The following FRY variants were observed in gnomAD, a reference collection of about 807,000 sequenced individuals.
FRY encodes protein furry homolog.
A neutral mutation model predicts 348.4 loss-of-function variants in FRY; 128 were observed. That is an observed-to-expected ratio of 0.37 (90% CI 0.32 to 0.43). The LOEUF (loss-of-function observed/expected upper bound fraction) is 0.43, where lower values mean the gene tolerates loss of function less well. FRY is among the 20% of genes least tolerant of loss of function. The pLI, the probability that FRY is intolerant of heterozygous loss-of-function variation, is 1.00. For synonymous variants in FRY, 1,370 were observed against 1,374.7 expected (o/e 1.00, Z 0.08); for missense variants, 2,736 against 3,695.2 (o/e 0.74, Z 6.73).
intron 12 of FRY, 67 bp from the exon 13 acceptor site, chr13:32,147,772 A>AT: frequency 1.1e-6 from 1 of 888,542 alleles, no homozygotes; most frequent in Non-Finnish European, 1.9e-6. Context: ...AATATCTGCC[A>AT]TTTTCCCTTA....
intron 52 of FRY, 70 bp downstream of exon 52, chr13:32,261,886 T>C (rs1008161519): frequency 2.1e-6 from 3 of 1,414,392 alleles, no homozygotes; most frequent in Admixed American, 1.7e-5. Flanking sequence ...GAGGACAGTT[T>C]CCAGTTGCAG....
chr13:32,276,459 T>C lies in FRY; in HGVS notation c.8287-5T>C. The stretch of plus-strand genomic sequence containing the variant: ...TTTTAATACCAATTATTTTCCTGTC[T>C]TTAGCTCCTTTCATGTGGACTTCTG... On this transcript the variant is annotated splice_region_variant and splice_polypyrimidine_tract_variant and intron_variant, in intron 56 of 60. Transcript: ENST00000542859. 6.7e-7 allele frequency: 1 copy of C among 1,500,256 alleles called. No homozygotes were observed. The highest frequency in any genetic ancestry group is 9.3e-7 in the Non-Finnish European group (1 of 1,076,156). The allele number at this position is 1,500,256 out of a possible 1,614,324, so 92.9% of individuals were successfully genotyped here.
chr13:32,221,617 A>G (rs939047010), intron 36 of FRY, among the ~76,000 whole-genome samples: 2 of 152,182 alleles, frequency 1.3e-5, no homozygotes, highest in African/African-American at 4.8e-5. Flanking sequence ...GGTGCAAGCA[A>G]TTCTGCTGCG....
intron 1 of FRY, among the ~76,000 whole-genome samples, chr13:32,046,119 A>G (rs1009311757): frequency 1.3e-5 from 2 of 152,154 alleles, no homozygotes; most frequent in African/African-American, 4.8e-5. Context: ...TGTTTTAGGG[A>G]GTGACTAAGA....
At chr13:32,141,684 TCTATAC>T (rs1440436888) in intron 11 of FRY, among the ~76,000 whole-genome samples, 1 of 152,206 alleles carries the variant, frequency 6.6e-6, no homozygotes. Flanking sequence ...GTAACATTGG[TCTATAC>T]CACTGATTGC....
intron 51 of FRY, among the ~76,000 whole-genome samples, chr13:32,254,766 T>C (rs1164311938): frequency 6.6e-6 from 1 of 152,240 alleles, no homozygotes; most frequent in Non-Finnish European, 1.5e-5. Flanking sequence ...AAGCATTTAA[T>C]CATTTCTAAT....
intron 1 of FRY, among the ~76,000 whole-genome samples, chr13:32,074,614 A>C (rs796561297): frequency 6.6e-6 from 1 of 152,258 alleles, no homozygotes; most frequent in South Asian, 2.1e-4. Context: ...ACACTTGAAA[A>C]AGACTAAGAT....
intron 53 of FRY, among the ~76,000 whole-genome samples, chr13:32,263,993 C>T (rs1045576524): frequency 6.6e-6 from 1 of 151,846 alleles, no homozygotes; most frequent in Admixed American, 6.6e-5. Context: ...GGCGACAGAG[C>T]GAGACTCCAT....
chr13:32,167,462 C>T (rs1011413910), intron 17 of FRY, among the ~76,000 whole-genome samples: 3 of 152,180 alleles, frequency 2.0e-5, no homozygotes, highest in Non-Finnish European at 4.4e-5. Flanking sequence ...GCATTATCCA[C>T]GTGTGTTGTC....
intron 4 of FRY, among the ~76,000 whole-genome samples, chr13:32,123,568 A>G (rs991143729): frequency 2.6e-5 from 4 of 152,140 alleles, no homozygotes; most frequent in African/African-American, 4.8e-5. Flanking sequence ...GTTTCCTTAC[A>G]TTGTTTAGCT....
At chr13:32,079,133 GGT>G (rs1875307472) in intron 2 of FRY, 100 bp downstream of exon 2, 1 of 854,666 alleles carries the variant, frequency 1.2e-6, no homozygotes, top group African/African-American at 1.7e-5. Context: ...CTTTTCCTCT[GGT>G]TTGTAAAGGT....
At chr13:32,077,874 T>C (rs1007090527) in intron 1 of FRY, among the ~76,000 whole-genome samples, 29 of 152,340 alleles carry the variant, frequency 1.9e-4, no homozygotes, top group African/African-American at 5.5e-4. Flanking sequence ...TAAATACTTA[T>C]GTTTAACTAT....
chr13:32,067,488 G>C (rs1161688729), intron 1 of FRY, among the ~76,000 whole-genome samples: 2 of 152,282 alleles, frequency 1.3e-5, no homozygotes, highest in Admixed American at 1.3e-4. Context: ...GATACAACTG[G>C]AAAGGTCAGG....
intron 7 of FRY, among the ~76,000 whole-genome samples, chr13:32,126,297 T>A (rs1209768964): frequency 6.6e-6 from 1 of 152,220 alleles, no homozygotes; most frequent in Non-Finnish European, 1.5e-5. Context: ...TTTTCCTTAG[T>A]TTTTGTGAAT....
In FRY at chr13:32,294,472, G is replaced by A. The variant is rs1889531092; in HGVS notation, c.8685G>A (p.Glu2895=). 2.5e-6 allele frequency: 4 copies of A among 1,614,082 alleles called. No individual in the cohort carries two copies. Among genetic ancestry groups the A allele is most frequent in the Non-Finnish European group, 3.4e-6 (4 of 1,179,936 alleles). ...DPLYSDGAWS[E]PTFTSTEAAI... is the part of the protein sequence containing the mutation. ...TCTATTCAGACGGCGCGTGGTCCGA[G>A]CCCACCTTCACGTCCACTGAAGCAG... is the stretch of plus-strand genomic sequence containing the variant. The change falls in exon 60 of 61, where the codon GAG becomes GAA. Residue 2895 remains glutamate (E), a synonymous_variant. Transcript: ENST00000542859.
chr13:32,063,125 G>A lies in FRY; in HGVS notation c.71-15709G>A, dbSNP rs148759569. Among the ~76,000 whole-genome samples the A allele has an allele frequency of 6.7e-4, 102 of 152,222 alleles. 1 individual carries two copies. The highest frequency in any genetic ancestry group is 1.7e-3 in the Admixed American group (26 of 15,294). On this transcript the variant is annotated intron_variant, in intron 1 of 60. Transcript: ENST00000542859. ...ATGTAATCCCCAAGGGGACCCTGGC[G>A]GGGAACAGCTATAACTTTAATTTGC...
chr13:32,036,768 G>A (rs1407706231), intron 1 of FRY, among the ~76,000 whole-genome samples: 1 of 151,506 alleles, frequency 6.6e-6, no homozygotes, highest in Non-Finnish European at 1.5e-5. Context: ...AAAAAATCAG[G>A]ACTTGAGATA....
intron 14 of FRY, among the ~76,000 whole-genome samples, chr13:32,152,432 C>G (rs1880853350): frequency 6.6e-6 from 1 of 152,170 alleles, no homozygotes; most frequent in South Asian, 2.1e-4. Flanking sequence ...AATATAAAAA[C>G]CAGTTGAACA....
intron 18 of FRY, among the ~76,000 whole-genome samples, chr13:32,172,955 G>A (rs754862431): frequency 6.6e-6 from 1 of 152,172 alleles, no homozygotes; most frequent in Non-Finnish European, 1.5e-5. Flanking sequence ...AAGTAAGCAA[G>A]GAGAAATAGA....
Sources: allele counts gnomAD v4.1 joint callset (sites outside exome capture counted in the v4.1 genomes callset), GRCh38; gene constraint gnomAD v4.1.1; transcripts MANE v1.5; gene names NCBI Gene and HGNC (gene_info 2026-07-23, HGNC 2026-07-21).